The following NIN variants were observed in gnomAD, a reference collection of about 807,000 sequenced individuals.
The protein encoded by NIN is glycogen synthase kinase 3 beta-interacting protein.
A neutral mutation model predicts 257.6 loss-of-function variants in NIN; 137 were observed. The observed-to-expected ratio is 0.53, with a 90% confidence interval of 0.46 to 0.61. NIN has a LOEUF of 0.61. NIN is among the 20% of genes least tolerant of loss of function. The pLI is 0.00. For synonymous variants in NIN, 918 were observed against 919.8 expected (o/e 1.00, Z 0.04); for missense variants, 2,439 against 2,501.2 (o/e 0.98, Z 0.53).
At chr14:50,749,643 C>G (rs1046461816) in intron 21 of NIN, among the ~76,000 whole-genome samples, 1 of 152,094 alleles carries the variant, frequency 6.6e-6, no homozygotes, top group Non-Finnish European at 1.5e-5. Flanking sequence ...GTTGTTTTCC[C>G]TCCCAGCTTA....
chr14:50,729,382 G>A (rs549233239), intron 29 of NIN, 141 bp downstream of exon 29: 139 of 743,524 alleles, frequency 1.9e-4, no homozygotes, highest in Middle Eastern at 4.0e-4. Context: ...CGATCCTCCC[G>A]TCTCAGCCTC....
Position 50,760,246 on chromosome 14 carries a change from A to G in NIN, c.2010T>C (p.Ser670=). 1 of 1,612,588 alleles carries G rather than the reference A, an allele frequency of 6.2e-7. No individual in the cohort carries two copies. Among genetic ancestry groups the G allele is most frequent in the East Asian group, 2.2e-5 (1 of 44,862 alleles). ...NETHTLEKQI[S]DLKNEIAELQ... ...GTTCAGCAATTTCATTTTTAAGGTC[A>G]CTTATTTGTTTTTCTAAGGTGTGCG... The change falls in exon 17 of 31, where the codon AGT becomes AGC. Residue 670 remains serine (S), a synonymous_variant. Transcript: ENST00000530997.
rs8015968 is a variant in NIN, at chr14:50,772,041, C to A, written c.981+260G>T. The A allele has an allele frequency of 0.11, 37,167 of 343,360 alleles. 2,340 individuals are homozygous for A. The highest frequency in any genetic ancestry group is 0.15 in the African/African-American group (7,046 of 47,460). 21.3% of individuals were successfully genotyped at this position (343,360 alleles called of 1,614,324 possible). A position where few individuals can be genotyped will look rare whatever the true frequency, so the allele number is the denominator to read the frequency against. ...AAAAACACAACAACAACAACAACAA[C>A]ACTATCTGGCCCTGTAAATAAACAC... is the stretch of plus-strand genomic sequence containing the variant. On this transcript the variant is annotated intron_variant, in intron 9 of 30. Transcript: ENST00000530997.
Position 50,752,628 on chromosome 14 carries a change from G to C in NIN, c.4840C>G (p.Leu1614Val), listed in dbSNP as rs767097652. Residue 1614 changes from leucine to valine, a missense_variant, in exon 21 of 31, where the codon CTA (leucine) becomes GTA (valine). By Grantham distance (32) the Leu-to-Val change is conservative (BLOSUM62 1). Transcript: ENST00000530997. ...TCCTTCTGGCATAGCATTTCTGTTAGACGTTGATTAAGTTCTTGCAGTTTT... is the reference window on the plus strand; with the variant it reads ...TCCTTCTGGCATAGCATTTCTGTTACACGTTGATTAAGTTCTTGCAGTTTT... The part of the protein sequence containing the change: ...QEKLQELNQR[L>V]TEMLCQKEKE... 1.9e-6 allele frequency: 3 copies of C among 1,613,842 alleles called. No homozygotes were observed. Among genetic ancestry groups the C allele is most frequent in the South Asian group, 2.2e-5 (2 of 91,070 alleles).
chr14:50,752,240 A>G (rs1289180335), intron 21 of NIN, among the ~76,000 whole-genome samples: 3 of 151,244 alleles, frequency 2.0e-5, no homozygotes, highest in African/African-American at 7.3e-5. Flanking sequence ...AATTTTATCT[A>G]TTTCCGAATG....
At chr14:50,789,009 G>A (rs2043463264) in intron 5 of NIN, among the ~76,000 whole-genome samples, 1 of 152,184 alleles carries the variant, frequency 6.6e-6, no homozygotes. Context: ...AAGGTGAGCT[G>A]AGAATCCCTC....
chr14:50,743,099 G>C (rs1360501975), intron 24 of NIN, among the ~76,000 whole-genome samples: 2 of 151,054 alleles, frequency 1.3e-5, no homozygotes, highest in Non-Finnish European at 2.9e-5. Flanking sequence ...GAGTAGCTGG[G>C]ACTTAACAGG....
In NIN at chr14:50,760,038, G is replaced by A. The variant is rs763688866; in HGVS notation, c.2218C>T (p.Arg740Trp). 9.9e-6 allele frequency: 16 copies of A among 1,614,036 alleles called. No homozygotes were observed. Among genetic ancestry groups the A allele is most frequent in the East Asian group, 6.7e-5 (3 of 44,874 alleles). ...RLTQAQASFE[R>W]EREGLQSSAW... The stretch of plus-strand genomic sequence containing the variant: ...CTACTCTGAAGGCCTTCCCTCTCCC[G>A]CTCAAAGCTTGCTTGAGCCTGTGTC... Residue 740 changes from arginine to tryptophan, a missense_variant, in exon 17 of 31, where the codon CGG (arginine) becomes TGG (tryptophan). Around this residue, in one of 3 missense-constraint regions of NIN, gnomAD observed 2,043 missense variants for 2,050.2 expected, o/e 1.00. Coordinates refer to ENST00000530997, the MANE Select transcript of NIN (RefSeq NM_020921.4).
At chr14:50,805,053 G>A (rs1243473718) in intron 4 of NIN, among the ~76,000 whole-genome samples, 4 of 152,200 alleles carry the variant, frequency 2.6e-5, no homozygotes, top group Non-Finnish European at 4.4e-5. Context: ...GACAGTACAG[G>A]TTTTGAAGAA....
At chr14:50,821,583 A>G (rs1429043695) in intron 3 of NIN, among the ~76,000 whole-genome samples, 1 of 152,208 alleles carries the variant, frequency 6.6e-6, no homozygotes, top group Non-Finnish European at 1.5e-5. Flanking sequence ...ATGAATGTGG[A>G]GTCAATAAAA....
chr14:50,827,812 T>C (rs1413681617), intron 2 of NIN, among the ~76,000 whole-genome samples: 1 of 146,896 alleles, frequency 6.8e-6, no homozygotes, highest in Non-Finnish European at 1.5e-5. Context: ...TCAACTACAC[T>C]ATAATATTTA....
At chr14:50,789,356 TG>T (rs35074472) in intron 5 of NIN, among the ~76,000 whole-genome samples, 29,196 of 151,984 alleles carry the variant, frequency 0.19, 2,870 homozygotes, top group South Asian at 0.2. Flanking sequence ...AGGTGGATCA[TG>T]AGGTCAGGAA....
chr14:50,729,848 T>C (rs1386948447), intron 28 of NIN, 125 bp from the exon 29 acceptor site: 6 of 670,972 alleles, frequency 8.9e-6, no homozygotes, highest in Non-Finnish European at 1.4e-5. Context: ...CACTGAAACT[T>C]GGAAACAGGA....
At chr14:50,801,956 T>G (rs2044121928) in intron 4 of NIN, among the ~76,000 whole-genome samples, 1 of 152,192 alleles carries the variant, frequency 6.6e-6, no homozygotes, top group African/African-American at 2.4e-5. Flanking sequence ...AACAGAAATC[T>G]AATGCAAGAT....
chr14:50,808,431 AACAG>A (rs2044430465), intron 3 of NIN, among the ~76,000 whole-genome samples: 2 of 152,198 alleles, frequency 1.3e-5, no homozygotes, highest in South Asian at 4.1e-4. Context: ...GGAAGCCAGG[AACAG>A]GGTTAGGAGG....
chr14:50,739,614 T>G (rs1482504140), intron 25 of NIN, 127 bp from the exon 26 acceptor site: 5 of 740,750 alleles, frequency 6.7e-6, no homozygotes, highest in Non-Finnish European at 1.1e-5. Context: ...CCCCTCAGTC[T>G]TCTAATGAAA....
At chr14:50,728,040 C>A (rs1230216963) in intron 29 of NIN, among the ~76,000 whole-genome samples, 1 of 149,996 alleles carries the variant, frequency 6.7e-6, no homozygotes, top group Non-Finnish European at 1.5e-5. Context: ...TCCACTCTGT[C>A]ATCTGGTTGG....
intron 5 of NIN, 99 bp from the exon 6 acceptor site, chr14:50,778,903 T>C: frequency 2.4e-6 from 3 of 1,237,458 alleles, no homozygotes; most frequent in Non-Finnish European, 3.6e-6. Context: ...TCTGAAATCA[T>C]CATCTAAGTG....
rs759399814 is a variant in NIN at position 50,729,577 on chromosome 14, G to A, written c.6024C>T (p.Asn2008=). Residue 2008 remains asparagine (N), a synonymous_variant, in exon 29 of 31, where the codon AAC becomes AAT. Transcript: ENST00000530997. ...QRQLLQAERI[N]QHLQEELENR... ...TTTCAAGTTCCTCCTGCAGGTGCTG[G>A]TTTATCCTTTCTGCCTGCAGCAGCT... is the stretch of plus-strand genomic sequence containing the variant. The A allele has an allele frequency of 6.2e-7, 1 of 1,614,096 alleles. No individual in the cohort carries two copies. Among genetic ancestry groups the A allele is most frequent in the East Asian group, 2.2e-5 (1 of 44,880 alleles).
Sources: gnomAD v4.1 joint callset for allele counts (sites outside exome capture counted in the v4.1 genomes callset) on GRCh38, gnomAD v4.1.1 for gene constraint, gnomAD v4.1.1 regional missense constraint, MANE v1.5 for transcripts, NCBI Gene and HGNC (gene_info 2026-07-23, HGNC 2026-07-21) for gene names.